Variants in NR2F1-AS1 observed in about 807,000 individuals in gnomAD.
NR2F1-AS1 encodes the protein NR2F1 regulatory antisense RNA 1, also known as NR2F1 antisense RNA 1.
intron 4 of NR2F1-AS1, among the ~76,000 whole-genome samples, chr5:93,480,147 T>C (rs1275142659): frequency 6.6e-5 from 10 of 152,110 alleles, no homozygotes; most frequent in Non-Finnish European, 1.5e-4. Flanking sequence ...AAAGATGTGA[T>C]GCTACACATC....
intron 4 of NR2F1-AS1, among the ~76,000 whole-genome samples, chr5:93,513,709 C>T (rs1751346713): frequency 6.6e-6 from 1 of 152,100 alleles, no homozygotes; most frequent in Non-Finnish European, 1.5e-5. Flanking sequence ...GGGTACTATG[C>T]TCATTACCCG....
chr5:93,516,701 C>G (rs1751407566), intron 4 of NR2F1-AS1, among the ~76,000 whole-genome samples: 2 of 151,880 alleles, frequency 1.3e-5, no homozygotes, highest in Admixed American at 1.3e-4. Context: ...TGTTCTGACT[C>G]TTCATCTTTT....
At chr5:93,455,090 C>G (rs1177587847) in intron 4 of NR2F1-AS1, among the ~76,000 whole-genome samples, 3 of 152,140 alleles carry the variant, frequency 2.0e-5, no homozygotes, top group African/African-American at 4.8e-5. Context: ...CAAGTCACAA[C>G]CTGGACTTGT....
intron 4 of NR2F1-AS1, among the ~76,000 whole-genome samples, chr5:93,426,799 A>G (rs1336596075): frequency 1.3e-5 from 2 of 152,224 alleles, no homozygotes; most frequent in Non-Finnish European, 2.9e-5. Context: ...TGGCAGATAA[A>G]CAACTTCGCA....
At chr5:93,430,465 A>C (rs1383881629) in intron 4 of NR2F1-AS1, among the ~76,000 whole-genome samples, 1 of 152,168 alleles carries the variant, frequency 6.6e-6, no homozygotes, top group Admixed American at 6.5e-5. Flanking sequence ...TTGATTGCAA[A>C]GCTCCAAATA....
At chr5:93,421,753 C>T (rs947457386) in intron 4 of NR2F1-AS1, among the ~76,000 whole-genome samples, 1 of 152,160 alleles carries the variant, frequency 6.6e-6, no homozygotes, top group Non-Finnish European at 1.5e-5. Flanking sequence ...ATCTTGGCTG[C>T]CGACACTGGA....
intron 4 of NR2F1-AS1, among the ~76,000 whole-genome samples, chr5:93,417,078 T>G (rs758991043): frequency 1.2e-4 from 18 of 152,318 alleles, no homozygotes; most frequent in Admixed American, 2.0e-4. Context: ...CTTTGCACTA[T>G]GCCACACTAC....
chr5:93,477,131 T>C lies in NR2F1-AS1; in HGVS notation n.638+76630A>G, dbSNP rs1174021687. ...GAAATAGAAAGCAAGATTGCTTAAA[T>C]GTCTGCACTAACAGAAGGCCCATGT... On this transcript the variant is annotated intron_variant and non_coding_transcript_variant, in intron 4 of 5. Coordinates refer to ENST00000660523, the Ensembl canonical transcript of NR2F1-AS1. Among the ~76,000 whole-genome samples the C allele has an allele frequency of 2.6e-5, 4 of 152,292 alleles. No homozygotes were observed. In the East Asian group the frequency reaches 7.7e-4, roughly 29 times the overall value.
At chr5:93,474,828 CA>C (rs1188972520) in intron 4 of NR2F1-AS1, among the ~76,000 whole-genome samples, 5 of 152,152 alleles carry the variant, frequency 3.3e-5, no homozygotes, top group Admixed American at 6.5e-5. Context: ...CAGTCTATAG[CA>C]AAGATGATTT....
At chr5:93,458,210 A>C (rs1254246356) in intron 4 of NR2F1-AS1, among the ~76,000 whole-genome samples, 1 of 152,224 alleles carries the variant, frequency 6.6e-6, no homozygotes, top group Non-Finnish European at 1.5e-5. Flanking sequence ...CGCTGGCCAC[A>C]TTTTTAATTT....
upstream of NR2F1-AS1, chr5:93,585,102 G>C (rs755210881): frequency 1.7e-5 from 17 of 998,694 alleles, no homozygotes; most frequent in South Asian, 6.7e-4. Flanking sequence ...CAACCCCGCA[G>C]CGCAGGCGGC....
chr5:93,581,816 GTCTC>G (rs1169995727), upstream of NR2F1-AS1, among the ~76,000 whole-genome samples: 4 of 23,710 alleles, frequency 1.7e-4, no homozygotes, highest in Non-Finnish European at 2.2e-4. Context: ...TCTCCCTCTC[GTCTC>G]TCTCTCTCTC....
chr5:93,546,493 A>G (rs1752091086), intron 4 of NR2F1-AS1, among the ~76,000 whole-genome samples: 1 of 151,508 alleles, frequency 6.6e-6, no homozygotes. Context: ...TCATTGGGTT[A>G]ACAACCACAT....
chr5:93,546,606 A>T (rs1752093737), intron 4 of NR2F1-AS1, among the ~76,000 whole-genome samples: 1 of 152,184 alleles, frequency 6.6e-6, no homozygotes, highest in Admixed American at 6.5e-5. Flanking sequence ...GCACATACAG[A>T]GCATTCAATA....
upstream of NR2F1-AS1, among the ~76,000 whole-genome samples, chr5:93,581,675 T>G (rs1185207858): frequency 3.4e-4 from 9 of 26,440 alleles, no homozygotes; most frequent in African/African-American, 1.0e-3. Flanking sequence ...TCGGTCTCTC[T>G]CTCTCTCTCT....
upstream of NR2F1-AS1, among the ~76,000 whole-genome samples, chr5:93,582,738 C>T (rs941853174): frequency 6.6e-6 from 1 of 151,370 alleles, no homozygotes; most frequent in Admixed American, 6.6e-5. Flanking sequence ...TTCTCCCCCT[C>T]GTCATCCCTT....
At chr5:93,566,614 C>T (rs547218943) in intron 1 of NR2F1-AS1, among the ~76,000 whole-genome samples, 2 of 152,042 alleles carry the variant, frequency 1.3e-5, no homozygotes, top group East Asian at 3.9e-4. Context: ...AGAATGCTGC[C>T]TCTACAGAGG....
At chr5:93,464,681 C>G (rs148270780) in intron 4 of NR2F1-AS1, among the ~76,000 whole-genome samples, 21 of 152,332 alleles carry the variant, frequency 1.4e-4, no homozygotes, top group African/African-American at 4.8e-4. Flanking sequence ...AATAGGGCCT[C>G]TGAGCTTCAG....
intron 4 of NR2F1-AS1, among the ~76,000 whole-genome samples, chr5:93,522,645 G>A (rs890511678): frequency 1.3e-5 from 2 of 152,186 alleles, no homozygotes; most frequent in African/African-American, 2.4e-5. Flanking sequence ...ACTGAGGTAT[G>A]CAGCTCATCT....
Sources: gnomAD v4.1 joint callset for allele counts (sites outside exome capture counted in the v4.1 genomes callset) on GRCh38, gnomAD v4.1.1 for gene constraint, MANE v1.5 for transcripts, NCBI Gene and HGNC (gene_info 2026-07-23, HGNC 2026-07-21) for gene names.